The following ITPR1 variants were observed in gnomAD, a reference collection of about 807,000 sequenced individuals.
ITPR1 encodes the protein inositol 1,4,5-trisphosphate-gated calcium channel ITPR1.
A neutral mutation model predicts 318.4 loss-of-function variants in ITPR1; 96 were observed. The ratio of observed to expected loss-of-function variants is 0.30; its 90% CI spans 0.26 to 0.36. ITPR1 has a LOEUF of 0.36. Among genes scored for constraint, ITPR1 ranks in the 10% least tolerant of loss-of-function variants. The pLI is 1.00. For missense variants in ITPR1, 2,440 were observed against 3,460.2 expected (o/e 0.71, Z 7.40); for synonymous variants, 1,312 against 1,289.9 (o/e 1.02, Z -0.37).
At chr3:4,620,543 CAG>C (rs1468988873) in intron 4 of ITPR1, among the ~76,000 whole-genome samples, 2 of 152,130 alleles carry the variant, frequency 1.3e-5, no homozygotes, top group African/African-American at 4.8e-5. Flanking sequence ...TGTGCAGAAA[CAG>C]AGGCCTCACT....
intron 11 of ITPR1, among the ~76,000 whole-genome samples, chr3:4,653,355 A>G (rs188159996): frequency 6.6e-6 from 1 of 152,348 alleles, no homozygotes; most frequent in African/African-American, 2.4e-5. Context: ...CTGAAGATCA[A>G]GAACTCCAAG....
Position 4,779,988 on chromosome 3 carries a change from C to T in ITPR1, c.6387+343C>T, listed in dbSNP as rs1328474337. Among the ~76,000 whole-genome samples the T allele has an allele frequency of 6.6e-6, 1 of 151,998 alleles. No individual in the cohort carries two copies. The highest frequency in any genetic ancestry group is 6.6e-5 in the Admixed American group (1 of 15,264). ...GGCATAAACCACATGGAGAAGCCTC[C>T]GTCTCTGTTTTTCCCTCATGGGGGA... On this transcript the variant is annotated intron_variant, in intron 49 of 61. Coordinates refer to ENST00000649015, the MANE Select transcript of ITPR1 (RefSeq NM_001378452.1). This position sits in a 1 kb window ranked among gnomAD's most constrained non-coding sequence, Gnocchi z 4.0.
At chr3:4,498,481 C>A (rs1438949698) in intron 2 of ITPR1, among the ~76,000 whole-genome samples, 2 of 152,134 alleles carry the variant, frequency 1.3e-5, no homozygotes, top group Non-Finnish European at 2.9e-5. Context: ...AAGGTCCAGA[C>A]CTGTAGGGAC....
intron 44 of ITPR1, among the ~76,000 whole-genome samples, chr3:4,764,946 C>CTGGATGGA (rs61395050): frequency 6.8e-5 from 10 of 147,574 alleles, no homozygotes; most frequent in East Asian, 2.0e-4. Flanking sequence ...TAGTGGGTGG[C>CTGGATGGA]TGGATGGATG....
intron 2 of ITPR1, among the ~76,000 whole-genome samples, chr3:4,509,623 T>C (rs1335082335): frequency 6.6e-6 from 1 of 152,114 alleles, no homozygotes; most frequent in Non-Finnish European, 1.5e-5. Flanking sequence ...AGACCTTGTC[T>C]CTACAAAAAT....
chr3:4,822,896 GA>G (rs538039942), intron 60 of ITPR1, among the ~76,000 whole-genome samples: 3 of 152,112 alleles, frequency 2.0e-5, no homozygotes, highest in Non-Finnish European at 2.9e-5. Flanking sequence ...AGGGAAGAGG[GA>G]AAAAAAATTT....
At position 4,744,389 on chromosome 3, in the gene ITPR1, C is replaced by T. The variant is rs116610310; in HGVS notation, c.5544+9035C>T. 1.7e-3 allele frequency among the ~76,000 whole-genome samples: 259 copies of T among 152,270 alleles called. 1 individual carries two copies. The highest frequency in any genetic ancestry group is 6.1e-3 in the African/African-American group (252 of 41,546). On this transcript the variant is annotated intron_variant, in intron 44 of 61. Coordinates refer to ENST00000649015, the MANE Select transcript of ITPR1 (RefSeq NM_001378452.1). ...TTAGTGACTTCCGAGTGTGAGATGCCTCTTGGGAACTGCCAGGCAGAGGAT... is the reference window on the plus strand; with the variant it reads ...TTAGTGACTTCCGAGTGTGAGATGCTTCTTGGGAACTGCCAGGCAGAGGAT...
At chr3:4,553,702 G>C (rs1391410298) in intron 4 of ITPR1, among the ~76,000 whole-genome samples, 9 of 150,658 alleles carry the variant, frequency 6.0e-5, no homozygotes, top group Non-Finnish European at 1.2e-4. Context: ...CCAGGTTCAA[G>C]TGATTCTCCT....
At chr3:4,636,124 G>A (rs533122477) in intron 5 of ITPR1, among the ~76,000 whole-genome samples, 2 of 152,292 alleles carry the variant, frequency 1.3e-5, no homozygotes, top group East Asian at 3.9e-4. Context: ...TGGGATTACA[G>A]GCATGAGCCA....
intron 4 of ITPR1, among the ~76,000 whole-genome samples, chr3:4,602,734 G>T (rs557720243): frequency 6.6e-6 from 1 of 152,062 alleles, no homozygotes; most frequent in East Asian, 1.9e-4. Flanking sequence ...TGCAAACCTC[G>T]TGCTAAGTGA....
intron 44 of ITPR1, among the ~76,000 whole-genome samples, chr3:4,747,016 T>G (rs1324777663): frequency 2.0e-5 from 3 of 152,194 alleles, no homozygotes. Context: ...AACATGAGGA[T>G]GTGAAATGTG....
intron 61 of ITPR1, among the ~76,000 whole-genome samples, chr3:4,838,867 T>C (rs1282392556): frequency 2.6e-5 from 4 of 152,094 alleles, no homozygotes; most frequent in African/African-American, 9.7e-5. Context: ...CATTCTGTGG[T>C]GGTAAAACCA....
intron 2 of ITPR1, among the ~76,000 whole-genome samples, chr3:4,500,358 C>G (rs1460473761): frequency 9.5e-6 from 1 of 105,052 alleles, no homozygotes; most frequent in Non-Finnish European, 1.9e-5. Flanking sequence ...CACCACCACA[C>G]CTGGCTAATC....
At chr3:4,662,309 GGAGT>G (rs1659349704) in intron 15 of ITPR1, 67 bp downstream of exon 15, 1 of 1,357,434 alleles carries the variant, frequency 7.4e-7, no homozygotes, top group Admixed American at 2.8e-5. Flanking sequence ...TCCATGGGGT[GGAGT>G]GAGAGAATGG....
intron 2 of ITPR1, among the ~76,000 whole-genome samples, chr3:4,504,641 C>A (rs1194721135): frequency 6.6e-6 from 1 of 151,986 alleles, no homozygotes. Context: ...ATGTCCAAGT[C>A]AAAAATGTGC....
At chr3:4,659,787 ACTGTT>A (rs964041489) in intron 13 of ITPR1, among the ~76,000 whole-genome samples, 2 of 152,022 alleles carry the variant, frequency 1.3e-5, no homozygotes, top group Non-Finnish European at 2.9e-5. Flanking sequence ...TCATTATTGG[ACTGTT>A]CTGTTATACT....
intron 61 of ITPR1, among the ~76,000 whole-genome samples, chr3:4,840,417 T>C (rs1442671632): frequency 6.6e-6 from 1 of 152,170 alleles, no homozygotes; most frequent in Non-Finnish European, 1.5e-5. Context: ...CTAGTAAAAG[T>C]GCTAGAAAAC....
intron 60 of ITPR1, among the ~76,000 whole-genome samples, chr3:4,835,891 C>T (rs147435592): frequency 9.4e-4 from 143 of 151,906 alleles, no homozygotes; most frequent in Middle Eastern, 3.4e-3. Flanking sequence ...TGGGGATGGA[C>T]GGGGGAGGAA....
At chr3:4,709,671 C>T (rs1032904109) in intron 37 of ITPR1, among the ~76,000 whole-genome samples, 1 of 152,214 alleles carries the variant, frequency 6.6e-6, no homozygotes, top group Non-Finnish European at 1.5e-5. Context: ...TTCAACTTCT[C>T]TCTGTTTTCC....
Sources: allele counts gnomAD v4.1 joint callset (sites outside exome capture counted in the v4.1 genomes callset), GRCh38; gene constraint gnomAD v4.1.1; non-coding constraint Gnocchi (gnomAD v3.1); transcripts MANE v1.5; gene names NCBI Gene and HGNC (gene_info 2026-07-23, HGNC 2026-07-21).